Variants in RANBP17 observed in about 807,000 individuals in gnomAD.
RANBP17 encodes ran-binding protein 17.
A neutral mutation model predicts 141.2 loss-of-function variants in RANBP17; 158 were observed. The ratio of observed to expected loss-of-function variants is 1.12; its 90% CI spans 0.98 to 1.28. The LOEUF is 1.28. Among genes scored for constraint, RANBP17 ranks in the 50% most tolerant of loss-of-function variants. The pLI, the probability that RANBP17 is intolerant of heterozygous loss-of-function variation, is 0.00. For synonymous variants in RANBP17, 430 were observed against 450.0 expected, an observed-to-expected ratio of 0.96 and a Z score of 0.56; for missense variants, 1,438 against 1,290.7, an observed-to-expected ratio of 1.11 and a Z score of -1.75.
chr5:170,888,772 C>A (rs1288648076), intron 3 of RANBP17, among the ~76,000 whole-genome samples: 1 of 151,960 alleles, frequency 6.6e-6, no homozygotes, highest in Non-Finnish European at 1.5e-5. Flanking sequence ...TTGCTTTTTT[C>A]CCAATCTTAG....
intron 16 of RANBP17, among the ~76,000 whole-genome samples, chr5:171,176,796 C>T (rs1361801233): frequency 6.6e-6 from 1 of 152,114 alleles, no homozygotes; most frequent in Non-Finnish European, 1.5e-5. Context: ...TTTAAACTTA[C>T]CAAGTAATGT....
chr5:171,247,242 G>C (rs1007007626), intron 24 of RANBP17, among the ~76,000 whole-genome samples: 2 of 152,164 alleles, frequency 1.3e-5, no homozygotes, highest in Non-Finnish European at 2.9e-5. Context: ...GCCTGGTAGA[G>C]ATTATTTTCT....
intron 27 of RANBP17, 92 bp from the exon 28 acceptor site, chr5:171,298,670 A>G: frequency 4.5e-6 from 4 of 897,572 alleles, no homozygotes; most frequent in Non-Finnish European, 7.0e-6. Flanking sequence ...GGGCTCCCCA[A>G]AGTCCTGAAC....
intron 7 of RANBP17, among the ~76,000 whole-genome samples, chr5:170,912,971 AAAGT>A (rs1244726652): frequency 6.6e-6 from 1 of 151,984 alleles, no homozygotes; most frequent in Non-Finnish European, 1.5e-5. Flanking sequence ...CAGAAAGAAA[AAAGT>A]AAGTCTCCTC....
At chr5:171,083,833 C>T (rs1363712860) in intron 14 of RANBP17, among the ~76,000 whole-genome samples, 1 of 152,112 alleles carries the variant, frequency 6.6e-6, no homozygotes, top group Non-Finnish European at 1.5e-5. Context: ...ATAAGCTCCT[C>T]TCTTGCCTGC....
At position 171,052,582 on chromosome 5, in the gene RANBP17, A is replaced by G. The variant is rs182988289; in HGVS notation, c.1710+84205A>G. Among the ~76,000 whole-genome samples, 497 of 152,242 alleles carry G rather than the reference A, an allele frequency of 3.3e-3. 2 individuals carry two copies. Among genetic ancestry groups the G allele is most frequent in the African/African-American group, 0.011 (466 of 41,556 alleles). ...TCTCAATTTTGTTCCTTTGTTCTGT[A>G]TGTCTGTTCTTACGCTATTATCACA... On this transcript the variant is annotated intron_variant, in intron 14 of 27. Transcript: ENST00000523189.
intron 14 of RANBP17, among the ~76,000 whole-genome samples, chr5:171,128,279 GA>G (rs1756644757): frequency 6.6e-6 from 1 of 152,126 alleles, no homozygotes; most frequent in Non-Finnish European, 1.5e-5. Flanking sequence ...AATGGATAAA[GA>G]AAATGTTGTA....
chr5:171,263,080 G>T (rs1766436429), intron 24 of RANBP17, among the ~76,000 whole-genome samples: 2 of 152,124 alleles, frequency 1.3e-5, no homozygotes, highest in African/African-American at 4.8e-5. Flanking sequence ...AAACTTTCTG[G>T]GGTTAGCTTT....
intron 14 of RANBP17, among the ~76,000 whole-genome samples, chr5:171,049,544 A>G (rs1192875810): frequency 1.3e-5 from 2 of 152,022 alleles, no homozygotes; most frequent in African/African-American, 4.8e-5. Flanking sequence ...AATCTTTGCC[A>G]AGGCCTATGT....
intron 14 of RANBP17, among the ~76,000 whole-genome samples, chr5:170,980,998 G>A (rs984598029): frequency 2.0e-5 from 3 of 152,190 alleles, no homozygotes; most frequent in African/African-American, 7.2e-5. Flanking sequence ...CCCACCTCTT[G>A]TATCATCATG....
intron 14 of RANBP17, among the ~76,000 whole-genome samples, chr5:171,021,995 C>A (rs943715216): frequency 6.6e-6 from 1 of 151,730 alleles, no homozygotes; most frequent in Admixed American, 6.6e-5. Flanking sequence ...CCTGTTGTTG[C>A]ATTGTTTGTT....
chr5:171,081,563 A>G lies in RANBP17; in HGVS notation c.1711-88567A>G, dbSNP rs79414357. 3.6e-3 allele frequency among the ~76,000 whole-genome samples: 553 copies of G among 152,258 alleles called. 9 individuals carry two copies. The highest frequency in any genetic ancestry group is 0.026 in the Admixed American group (400 of 15,290). ...CTTTCCAGCTGTTTAATTTGTACAT[A>G]TCATTGTACAACTGTTATCTTTGAG... On this transcript the variant is annotated intron_variant, in intron 14 of 27. Transcript: ENST00000523189.
chr5:171,066,533 G>A (rs901802708), intron 14 of RANBP17, among the ~76,000 whole-genome samples: 1 of 152,134 alleles, frequency 6.6e-6, no homozygotes, highest in Admixed American at 6.5e-5. Context: ...GCATTCCACT[G>A]TATGTATATA....
rs377515943 is a variant in RANBP17, at chr5:171,089,612, T to C, written c.1711-80518T>C. On this transcript the variant is annotated intron_variant, in intron 14 of 27. Transcript: ENST00000523189. ...ACTGCTGTGCTAGCAATCAGTGAGA[T>C]TCCGTGGGCGTAGGACCCTCCGAGC... 7.3e-3 allele frequency among the ~76,000 whole-genome samples: 1,104 copies of C among 151,960 alleles called. 10 individuals are homozygous for C. The highest frequency in any genetic ancestry group is 0.024 in the African/African-American group (1,010 of 41,360).
At chr5:170,910,862 A>G in intron 6 of RANBP17, 107 bp from the exon 7 acceptor site, 1 of 1,111,492 alleles carries the variant, frequency 9.0e-7, no homozygotes, top group Non-Finnish European at 1.3e-6. Flanking sequence ...AACTTTGTAA[A>G]CTCCTTTATT....
Position 171,269,037 on chromosome 5 carries a change from A to G in RANBP17, c.2943+3190A>G, listed in dbSNP as rs1581155775. The stretch of plus-strand genomic sequence containing the variant: ...AGTGATATATCTTTATTAACAGTGG[A>G]ATACTTTCTATTTATTTGGAATGTA... On this transcript the variant is annotated intron_variant, in intron 25 of 27. Coordinates refer to ENST00000523189, the MANE Select transcript of RANBP17 (RefSeq NM_022897.5). Among the ~76,000 whole-genome samples the G allele has an allele frequency of 2.6e-5, 4 of 152,270 alleles. No individual in the cohort carries two copies. In the South Asian group the frequency reaches 6.2e-4, roughly 24 times the overall value.
chr5:171,210,587 A>AGGTC (rs547951527), intron 20 of RANBP17, among the ~76,000 whole-genome samples: 45 of 152,240 alleles, frequency 3.0e-4, no homozygotes, highest in Middle Eastern at 3.4e-3. Flanking sequence ...TGTGCTCAGG[A>AGGTC]GGTCCCTTGG....
intron 14 of RANBP17, among the ~76,000 whole-genome samples, chr5:170,996,057 C>T (rs948789751): frequency 1.3e-5 from 2 of 151,996 alleles, no homozygotes; most frequent in Non-Finnish European, 2.9e-5. Flanking sequence ...AGTTATTGCT[C>T]ATCTCAGGGC....
chr5:171,035,737 G>GTTTTTTT (rs781327156), intron 14 of RANBP17, among the ~76,000 whole-genome samples: 1 of 95,392 alleles, frequency 1.0e-5, no homozygotes, highest in Non-Finnish European at 2.5e-5. Flanking sequence ...TTCTTTTTTT[G>GTTTTTTT]TTTTTTTTTT....
Sources: allele counts gnomAD v4.1 joint callset (sites outside exome capture counted in the v4.1 genomes callset), GRCh38; gene constraint gnomAD v4.1.1; transcripts MANE v1.5; gene names NCBI Gene and HGNC (gene_info 2026-07-23, HGNC 2026-07-21).